Variants in HDDC2 observed in about 807,000 individuals in gnomAD.
HDDC2 encodes HD domain containing 2, also known as 5'-deoxynucleotidase HDDC2.
In HDDC2, 25 loss-of-function variants were observed where a neutral mutation model predicts 25.5. That is an observed-to-expected ratio of 0.98 (90% confidence interval 0.72 to 1.37). The LOEUF (loss-of-function observed/expected upper bound fraction) is 1.37. HDDC2 is among the 40% of genes most tolerant of loss of function. The pLI is 0.00. For missense variants in HDDC2, 264 were observed against 253.1 expected (o/e 1.04, Z -0.29); for synonymous variants, 106 against 89.7 (o/e 1.18, Z -1.03).
chr6:125,285,339 A>T (rs1383056527), intron 4 of HDDC2, among the ~76,000 whole-genome samples: 1 of 152,138 alleles, frequency 6.6e-6, no homozygotes, highest in Admixed American at 6.5e-5. Flanking sequence ...ATGATATAAG[A>T]CATAGAAGAA....
chr6:125,282,731 G>C (rs1182065706), intron 4 of HDDC2, among the ~76,000 whole-genome samples: 3 of 147,720 alleles, frequency 2.0e-5, no homozygotes, highest in Non-Finnish European at 3.0e-5. Flanking sequence ...AAATTGGATA[G>C]AGTCAAGACC....
chr6:125,297,498 A>G (rs931100157), intron 3 of HDDC2: 2 of 399,034 alleles, frequency 5.0e-6, no homozygotes, highest in South Asian at 1.3e-4. Context: ...AAGGGCAAAA[A>G]TCCTGCTGGC....
Position 125,295,259 on chromosome 6 carries a change from T to C in HDDC2, c.310-2350A>G, listed in dbSNP as rs188272461. The stretch of plus-strand genomic sequence containing the variant: ...AGCCTCTTCCTCTGTTAGCAAAATA[T>C]GTCAAAAATCTGCCTAAAGTGCCGA... On this transcript the variant is annotated intron_variant, in intron 3 of 5. Coordinates refer to ENST00000398153, the MANE Select transcript of HDDC2 (RefSeq NM_016063.3). Among the ~76,000 whole-genome samples the C allele has an allele frequency of 3.5e-4, 53 of 152,330 alleles. 1 individual carries two copies. The highest frequency in any genetic ancestry group is 2.9e-3 in the Admixed American group (44 of 15,298).
intron 4 of HDDC2, chr6:125,277,956 T>G (rs1225682442): frequency 2.0e-5 from 3 of 152,182 alleles, no homozygotes; most frequent in Non-Finnish European, 4.4e-5. Flanking sequence ...TTCTGCTTCT[T>G]ATAGAATGAT....
At chr6:125,286,350 G>C (rs565925701) in intron 4 of HDDC2, among the ~76,000 whole-genome samples, 22 of 152,186 alleles carry the variant, frequency 1.4e-4, no homozygotes, top group Admixed American at 1.4e-3. Flanking sequence ...ACAATAACTC[G>C]GATAGTACAG....
chr6:125,284,676 G>C (rs965640177), intron 4 of HDDC2, among the ~76,000 whole-genome samples: 2 of 152,212 alleles, frequency 1.3e-5, no homozygotes, highest in Non-Finnish European at 2.9e-5. Flanking sequence ...AGATGCTGGA[G>C]AGGATGTGGA....
chr6:125,300,680 A>G, intron 1 of HDDC2, 21 bp from the exon 2 acceptor site: 1 of 1,608,688 alleles, frequency 6.2e-7, no homozygotes, highest in East Asian at 2.2e-5. Flanking sequence ...TGAAGAAGAA[A>G]AAGAAGTTTT....
chr6:125,276,316 T>A (rs1385566770), intron 5 of HDDC2, 73 bp from the exon 6 acceptor site: 18 of 1,152,186 alleles, frequency 1.6e-5, no homozygotes, highest in Non-Finnish European at 2.3e-5. Flanking sequence ...CCCAGCTTGA[T>A]CCCAGGGTTC....
intron 3 of HDDC2, 31 bp downstream of exon 3, chr6:125,298,683 G>A (rs763984174): frequency 6.4e-7 from 1 of 1,554,700 alleles, no homozygotes; most frequent in Non-Finnish European, 8.9e-7. Flanking sequence ...TTTTCTGGTG[G>A]TTTTTTGCAC....
rs1249495412 is a variant in HDDC2 at position 125,276,194 on chromosome 6, T to G, written c.567A>C (p.Ala189=). 6.2e-7 allele frequency: 1 copy of G among 1,614,198 alleles called. No homozygotes were observed. Residue 189 remains alanine (A), a synonymous_variant, in exon 6 of 6, where the codon GCA becomes GCC. Transcript: ENST00000398153. ...EIVQLVSELE[A]ERSTNIAAAA... Reference sequence around the variant, plus strand: ...CTGCAGCTATGTTAGTGCTTCTTTCTGCCTCAAGTTCAGAAACAAGCTGGA... The same window carrying G: ...CTGCAGCTATGTTAGTGCTTCTTTCGGCCTCAAGTTCAGAAACAAGCTGGA...
At chr6:125,289,612 C>T (rs1375406771) in intron 4 of HDDC2, among the ~76,000 whole-genome samples, 1 of 152,164 alleles carries the variant, frequency 6.6e-6, no homozygotes, top group Non-Finnish European at 1.5e-5. Context: ...TGCATCTTCC[C>T]CTCTCCAACC....
At chr6:125,293,606 GA>G (rs1214493758) in intron 3 of HDDC2, among the ~76,000 whole-genome samples, 1 of 152,168 alleles carries the variant, frequency 6.6e-6, no homozygotes. Flanking sequence ...AGTACCTCAA[GA>G]GGCTGCCTTA....
In HDDC2 at chr6:125,291,162, G is replaced by A. The variant is rs140847676; in HGVS notation, c.378+1679C>T. On this transcript the variant is annotated intron_variant, in intron 4 of 5. Transcript: ENST00000398153. ...CACTCCATTATTTCCCAACATATAA[G>A]GAGTGTTCTGAAAGTTCATTTGAAA... Among the ~76,000 whole-genome samples the A allele has an allele frequency of 6.0e-4, 92 of 152,236 alleles. No individual in the cohort carries two copies. The East Asian group carries it at 0.015, about 24-fold the overall frequency.
At chr6:125,299,595 T>C (rs1798764507) in intron 2 of HDDC2, among the ~76,000 whole-genome samples, 1 of 152,224 alleles carries the variant, frequency 6.6e-6, no homozygotes. Context: ...AACAGTGTCC[T>C]CTGAGATTTC....
Position 125,276,296 on chromosome 6 carries a change from T to C in HDDC2, c.518-53A>G, listed in dbSNP as rs1296833181. 6 of 1,333,750 alleles carry C rather than the reference T, an allele frequency of 4.5e-6. No homozygotes were observed. In the South Asian group the frequency reaches 4.7e-5, roughly 10 times the overall value. 82.6% of individuals were successfully genotyped at this position (1,333,750 alleles called of 1,614,324 possible). A position where few individuals can be genotyped will look rare whatever the true frequency, so the allele number is the denominator to read the frequency against. On this transcript the variant is annotated intron_variant, in intron 5 of 5. Coordinates refer to ENST00000398153, the MANE Select transcript of HDDC2 (RefSeq NM_016063.3). ...ACATTCCCATATTGACAAGAGAGTA[T>C]ATTCATTTCCCCAGCTTGATCCCAG...
intron 4 of HDDC2, among the ~76,000 whole-genome samples, chr6:125,279,898 A>C: frequency 6.6e-6 from 1 of 152,240 alleles, no homozygotes; most frequent in East Asian, 1.9e-4. Flanking sequence ...TCTATATTTC[A>C]AAAAGAGATA....
intron 4 of HDDC2, chr6:125,278,015 T>C (rs1486232354): frequency 6.6e-6 from 1 of 152,194 alleles, no homozygotes; most frequent in Non-Finnish European, 1.5e-5. Context: ...AGATTCATTC[T>C]CCTATTAAGA....
At chr6:125,296,499 T>C (rs1236202977) in intron 3 of HDDC2, among the ~76,000 whole-genome samples, 1 of 152,198 alleles carries the variant, frequency 6.6e-6, no homozygotes. Flanking sequence ...ATCCAAATCT[T>C]GTTCATAAAC....
rs957246037 is a variant in HDDC2 at position 125,293,139 on chromosome 6, G to A, written c.310-230C>T. 15 of 589,882 alleles carry A rather than the reference G, an allele frequency of 2.5e-5. No individual in the cohort carries two copies. The African/African-American group carries it at 2.6e-4, about 10-fold the overall frequency. The allele number at this position is 589,882 out of a possible 1,614,324, so 36.5% of individuals were successfully genotyped here. The stretch of plus-strand genomic sequence containing the variant: ...GGGCTTCGCTTAGCACCTCTTTTGT[G>A]GTCTACAACACAACAGACATAGAAA... On this transcript the variant is annotated intron_variant, in intron 3 of 5. Coordinates refer to ENST00000398153, the MANE Select transcript of HDDC2 (RefSeq NM_016063.3).
Sources: allele counts gnomAD v4.1 joint callset (sites outside exome capture counted in the v4.1 genomes callset), GRCh38; gene constraint gnomAD v4.1.1; transcripts MANE v1.5; gene names NCBI Gene and HGNC (gene_info 2026-07-23, HGNC 2026-07-21).